SLX4: variants seen among roughly 807,000 people sequenced by gnomAD.
SLX4 encodes structure-specific endonuclease subunit SLX4.
Under a neutral mutation model 146.2 loss-of-function variants are expected in SLX4, and 112 were observed. The observed-to-expected ratio is 0.77, with a 90% confidence interval of 0.66 to 0.90. The LOEUF is 0.90. SLX4 is among the 40% of genes least tolerant of loss of function. The probability of loss-of-function intolerance (pLI) is 0.00; values close to 1 mark genes in which losing one functional copy is unlikely to be tolerated. For missense variants in SLX4, 2,563 were observed against 2,392.7 expected (o/e 1.07, Z -1.49); for synonymous variants, 1,061 against 997.7 (o/e 1.06, Z -1.20).
chr16:3,590,365 C>T lies in SLX4; in HGVS notation c.3273G>A (p.Leu1091=), dbSNP rs1446215793. Reference sequence around the variant, plus strand: ...CTTTCTGGTGCCCTGGCTCTTTAGACAGCGTGAGGATGCTCCTGTCCCTTT... The same window carrying T: ...CTTTCTGGTGCCCTGGCTCTTTAGATAGCGTGAGGATGCTCCTGTCCCTTT... ...KQKRDRSILT[L]SKEPGHQKGK... The change falls in exon 12 of 15, where the codon CTG becomes CTA. Residue 1091 remains leucine, a synonymous_variant. Coordinates refer to ENST00000294008, the MANE Select transcript of SLX4 (RefSeq NM_032444.4). This position sits in a 1 kb window ranked among gnomAD's most constrained non-coding sequence, Gnocchi z 4.8. 1 of 1,614,254 alleles carries T rather than the reference C, an allele frequency of 6.2e-7. No homozygotes were observed. Among genetic ancestry groups the T allele is most frequent in the East Asian group, 2.2e-5 (1 of 44,882 alleles).
chr16:3,596,068 A>G, intron 8 of SLX4, 85 bp downstream of exon 8: 1 of 1,493,810 alleles, frequency 6.7e-7, no homozygotes, highest in Non-Finnish European at 8.9e-7. Flanking sequence ...CGGCGGCACA[A>G]GAGCCAGTCC....
chr16:3,600,999 G>A lies in SLX4; in HGVS notation c.1143C>T (p.Ser381=), dbSNP rs1398627485. 3 of 1,613,700 alleles carry A rather than the reference G, an allele frequency of 1.9e-6. No homozygotes were observed. Among genetic ancestry groups the A allele is most frequent in the Non-Finnish European group, 2.5e-6 (3 of 1,180,042 alleles). ...CTTACCTGAACATGGGTGGGCTGCT[G>A]CTACCCTCAGGCTGTGCTGTCTGCA... ...VRLQTAQPEG[S]SSPPMFSFSD... is the part of the protein sequence containing the mutation. Residue 381 remains serine, a synonymous_variant, in exon 5 of 15, where the codon AGC becomes AGT. Coordinates refer to ENST00000294008, the MANE Select transcript of SLX4 (RefSeq NM_032444.4).
At chr16:3,604,780 A>C (rs1220290273) in intron 3 of SLX4, among the ~76,000 whole-genome samples, 1 of 149,920 alleles carries the variant, frequency 6.7e-6, no homozygotes, top group Non-Finnish European at 1.5e-5. Flanking sequence ...AGATTGCGCC[A>C]CTGCACCCCA....
chr16:3,606,556 G>A lies in SLX4; in HGVS notation c.678C>T (p.His226=), dbSNP rs28516461. The part of the protein sequence containing the change: ...FKRADPERLR[H]ASEECSLEAA... ...CCTCGAGGGAGCACTCTTCTGAAGC[G>A]TGTCTCAAACGCTCGGGGTCTGCTC... is the stretch of plus-strand genomic sequence containing the variant. The change falls in exon 3 of 15, where the codon CAC becomes CAT. Residue 226 remains histidine, a synonymous_variant. Coordinates refer to ENST00000294008, the MANE Select transcript of SLX4 (RefSeq NM_032444.4). The A allele has an allele frequency of 0.036, 57,434 of 1,614,068 alleles. 3,877 individuals carry two copies. Among genetic ancestry groups the A allele is most frequent in the African/African-American group, 0.26 (19,718 of 74,950 alleles).
Position 3,608,755 on chromosome 16 carries a change from C to T in SLX4, c.210G>A (p.Val70=), listed in dbSNP as rs2040815031. 6.2e-7 allele frequency: 1 copy of T among 1,614,200 alleles called. No individual in the cohort carries two copies. The change falls in exon 2 of 15, where the codon GTG becomes GTA. Residue 70 remains valine (V), a synonymous_variant. Transcript: ENST00000294008. The part of the protein sequence containing the change: ...QRVKKHGIKE[V]SGERKTQKAA... Reference sequence around the variant, plus strand: ...CCTTTTGTGTCTTCCTTTCTCCTGACACTTCCTTGATTCCATGTTTTTTCA... The same window carrying T: ...CCTTTTGTGTCTTCCTTTCTCCTGATACTTCCTTGATTCCATGTTTTTTCA...
At position 3,589,676 on chromosome 16, in the gene SLX4, G is replaced by C. The variant is rs778781581; in HGVS notation, c.3962C>G (p.Pro1321Arg). The C allele has an allele frequency of 1.2e-6, 2 of 1,613,902 alleles. No individual in the cohort carries two copies. The highest frequency in any genetic ancestry group is 2.2e-5 in the East Asian group (1 of 44,876). Residue 1321 changes from proline to arginine, a missense_variant, in exon 12 of 15, where the codon CCG (proline) becomes CGG (arginine). Pro to Arg is a moderately radical substitution (Grantham distance 103, BLOSUM62 -2). Transcript: ENST00000294008. This position sits in a 1 kb window ranked among gnomAD's most constrained non-coding sequence, Gnocchi z 6.2. ...IRPQTPPPQT[P>R]SSCLTPVSPG... ...AGAGACGGGAGTGAGGCATGAGGAC[G>C]GTGTCTGGGGCGGTGGTGTCTGGGG...
rs1423670990 is a variant in SLX4 at position 3,589,114 on chromosome 16, C to G, written c.4524G>C (p.Ser1508=). ...LGNSRPSFLN[S]ALWDVWDGEE... Reference sequence around the variant, plus strand: ...CCCCGTCCCAAACGTCCCACAGAGCCGAATTCAGAAAGCTCGGCCTGCTAT... The same window carrying G: ...CCCCGTCCCAAACGTCCCACAGAGCGGAATTCAGAAAGCTCGGCCTGCTAT... The change falls in exon 12 of 15, where the codon TCG becomes TCC. Residue 1508 remains serine (S), a synonymous_variant. Transcript: ENST00000294008. This position sits in a 1 kb window ranked among gnomAD's most constrained non-coding sequence, Gnocchi z 6.2. 4 of 1,614,116 alleles carry G rather than the reference C, an allele frequency of 2.5e-6. No homozygotes were observed. The highest frequency in any genetic ancestry group is 3.4e-6 in the Non-Finnish European group (4 of 1,180,006).
rs1021522087 is a variant in SLX4 at position 3,608,719 on chromosome 16, G to C, written c.246C>G (p.Asn82Lys). 6 of 1,614,192 alleles carry C rather than the reference G, an allele frequency of 3.7e-6. No individual in the cohort carries two copies. The highest frequency in any genetic ancestry group is 5.1e-6 in the Non-Finnish European group (6 of 1,180,042). ...GERKTQKAAS[N>K]GTQIRSKLKR... ...TCAATTTGCTTCTTATCTGAGTGCC[G>C]TTTGAGGCAGCCTTTTGTGTCTTCC... The change falls in exon 2 of 15, where the codon AAC (asparagine) becomes AAG (lysine). Residue 82 changes from asparagine (N) to lysine (K), a missense_variant. Transcript: ENST00000294008.
rs750635051 is a variant in SLX4, at chr16:3,589,248, T to C, written c.4390A>G (p.Ser1464Gly). The C allele has an allele frequency of 4.4e-6, 7 of 1,607,004 alleles. No homozygotes were observed. The East Asian group carries it at 1.6e-4, about 36-fold the overall frequency. ...PSRRMNEAAD[S>G]RDCRSPGLLD... ...AGTCCCGGGGAGCGACAGTCACGGC[T>C]GTCGGCGGCCTCGTTCATCCTGCGG... Residue 1464 changes from serine (S) to glycine (G), a missense_variant, in exon 12 of 15, where the codon AGC (serine) becomes GGC (glycine). Ser to Gly is a moderately conservative substitution (Grantham distance 56). Coordinates refer to ENST00000294008, the MANE Select transcript of SLX4 (RefSeq NM_032444.4). The surrounding 1 kb of genome is among the most constrained non-coding windows in gnomAD (Gnocchi z 6.2).
At chr16:3,593,684 T>C (rs769587609) in intron 10 of SLX4, among the ~76,000 whole-genome samples, 1 of 152,208 alleles carries the variant, frequency 6.6e-6, no homozygotes, top group Admixed American at 6.5e-5. Context: ...TAGACACATA[T>C]GGGATCCAGA....
intron 2 of SLX4, among the ~76,000 whole-genome samples, chr16:3,607,000 A>G (rs2040793432): frequency 6.6e-6 from 1 of 152,246 alleles, no homozygotes; most frequent in African/African-American, 2.4e-5. Flanking sequence ...GTCTGTGAAT[A>G]TACTAAAAAC....
chr16:3,582,125 G>T lies in SLX4; in HGVS notation c.*217C>A. 1 of 597,362 alleles carries T rather than the reference G, an allele frequency of 1.7e-6. No homozygotes were observed. Among genetic ancestry groups the T allele is most frequent in the Non-Finnish European group, 3.0e-6 (1 of 335,250 alleles). 37.0% of individuals were successfully genotyped at this position (597,362 alleles called of 1,614,324 possible). ...AGGGGCTGGAGTCTGTAAATCCAGT[G>T]GGTGACATGCTCCAAATGCCACCCT... On this transcript the variant is annotated 3_prime_UTR_variant, in exon 15 of 15. Transcript: ENST00000294008.
At chr16:3,596,892 G>A (rs1042963480) in intron 7 of SLX4, among the ~76,000 whole-genome samples, 6 of 150,554 alleles carry the variant, frequency 4.0e-5, no homozygotes, top group African/African-American at 1.2e-4. Flanking sequence ...GCACGGTCTC[G>A]GCTCACTGCA....
At position 3,582,072 on chromosome 16, in the gene SLX4, G is replaced by T; in HGVS notation, c.*270C>A. On this transcript the variant is annotated 3_prime_UTR_variant, in exon 15 of 15. Transcript: ENST00000294008. ...AAAAAAAAAAAGAAAACCAAAAAGG[G>T]AGACACACTGTGAGCACGGACAGAG... 1.8e-6 allele frequency: 1 copy of T among 549,696 alleles called. No homozygotes were observed. The highest frequency in any genetic ancestry group is 2.4e-5 in the South Asian group (1 of 41,192). The allele number at this position is 549,696 out of a possible 1,614,324, so 34.1% of individuals were successfully genotyped here.
rs1317819027 is a variant in SLX4 at position 3,608,611 on chromosome 16, A to G, written c.354T>C (p.Pro118=). 1.2e-6 allele frequency: 2 copies of G among 1,613,940 alleles called. No homozygotes were observed. Among genetic ancestry groups the G allele is most frequent in the Non-Finnish European group, 1.7e-6 (2 of 1,180,012 alleles). Residue 118 remains proline (P), a synonymous_variant, in exon 2 of 15, where the codon CCT becomes CCC. Coordinates refer to ENST00000294008, the MANE Select transcript of SLX4 (RefSeq NM_032444.4). ...TGGTTACCCTTTGCTTTTTAGTCCT[A>G]GGGGCCTGGCTGCCAGACGGAGGTT... ...EKKPPSGSQA[P]RTKKQRVTKW...
intron 14 of SLX4, 89 bp from the exon 15 acceptor site, chr16:3,582,782 C>T (rs750600596): frequency 1.2e-5 from 15 of 1,244,960 alleles, no homozygotes; most frequent in African/African-American, 4.4e-5. Context: ...AAGGTGTCTA[C>T]GGGTCCCATG....
At chr16:3,604,401 G>C (rs1201125957) in intron 3 of SLX4, among the ~76,000 whole-genome samples, 3 of 152,122 alleles carry the variant, frequency 2.0e-5, no homozygotes, top group Non-Finnish European at 4.4e-5. Context: ...AGGGAAATTT[G>C]AGTTTGAACT....
In SLX4 at chr16:3,583,485, G is replaced by A. The variant is rs181782315; in HGVS notation, c.4765C>T (p.Arg1589Cys). ...DRFGVRPLPK[R>C]QMVLKLKEIF... ...TCCTTCAGCTTCAGAACCATCTGGC[G>A]TTTAGGCAGAGGGCGGACTCCAAAC... Residue 1589 changes from arginine (R) to cysteine (C), a missense_variant, in exon 14 of 15, where the codon CGC becomes TGC. Coordinates refer to ENST00000294008, the MANE Select transcript of SLX4 (RefSeq NM_032444.4). 3.1e-5 allele frequency: 50 copies of A among 1,614,172 alleles called. No homozygotes were observed. In the East Asian group the frequency reaches 7.8e-4, roughly 25 times the overall value.
rs757202686 is a variant in SLX4, at chr16:3,589,604, C to T, written c.4034G>A (p.Arg1345His). ...GRRQGHRSPS[R>H]PHPGGHPHSS... Reference sequence around the variant, plus strand: ...GTGCGGGTGGCCCCCGGGGTGGGGACGGGAAGGGCTTCTGTGGCCTTGCCT... The same window carrying T: ...GTGCGGGTGGCCCCCGGGGTGGGGATGGGAAGGGCTTCTGTGGCCTTGCCT... The change falls in exon 12 of 15, where the codon CGT becomes CAT. Residue 1345 changes from arginine (R) to histidine (H), a missense_variant. Arg to His is a conservative substitution (Grantham distance 29, BLOSUM62 0). Coordinates refer to ENST00000294008, the MANE Select transcript of SLX4 (RefSeq NM_032444.4). The surrounding 1 kb of genome is among the most constrained non-coding windows in gnomAD (Gnocchi z 6.2). 143 of 1,613,688 alleles carry T rather than the reference C, an allele frequency of 8.9e-5. No homozygotes were observed. In the East Asian group the frequency reaches 2.6e-3, roughly 29 times the overall value.
Sources: gnomAD v4.1 joint callset for allele counts (sites outside exome capture counted in the v4.1 genomes callset) on GRCh38, gnomAD v4.1.1 for gene constraint, Gnocchi (gnomAD v3.1) non-coding constraint, MANE v1.5 for transcripts, NCBI Gene and HGNC (gene_info 2026-07-23, HGNC 2026-07-21) for gene names.